Variants in DARS1 observed in about 807,000 individuals in gnomAD.
DARS1 encodes the protein aspartate--tRNA ligase, cytoplasmic.
In DARS1, 51 loss-of-function variants were observed where a neutral mutation model predicts 68.8. That is an observed-to-expected ratio of 0.74 (90% CI 0.59 to 0.94). The LOEUF is 0.94. Among genes scored for constraint, DARS1 ranks in the 40% least tolerant of loss-of-function variants. DARS1 has a pLI of 0.00. For synonymous variants in DARS1, 203 were observed against 190.4 expected (o/e 1.07, Z -0.55); for missense variants, 607 against 597.3 (o/e 1.02, Z -0.17).
intron 4 of DARS1, among the ~76,000 whole-genome samples, chr2:135,955,469 C>T (rs1377780043): frequency 6.6e-6 from 1 of 152,002 alleles, no homozygotes; most frequent in Non-Finnish European, 1.5e-5. Context: ...AAAGTTGTCA[C>T]ACACCAGTTC....
intron 1 of DARS1, 142 bp downstream of exon 1, chr2:135,985,261 C>G: frequency 1.5e-6 from 2 of 1,375,792 alleles, no homozygotes; most frequent in South Asian, 3.0e-5. Context: ...GGCAAGGGCT[C>G]TAGGCGCCCG....
At chr2:135,916,482 G>T in intron 10 of DARS1, 110 bp from the exon 11 acceptor site, 1 of 499,078 alleles carries the variant, frequency 2.0e-6, no homozygotes, top group Admixed American at 3.1e-5. Flanking sequence ...ATATACACCA[G>T]GAAAAGCATT....
intron 10 of DARS1, among the ~76,000 whole-genome samples, chr2:135,920,122 A>G (rs1681084197): frequency 6.6e-6 from 1 of 152,240 alleles, no homozygotes; most frequent in African/African-American, 2.4e-5. Context: ...ATAAACTGTT[A>G]AAAGAAACAC....
intron 4 of DARS1, among the ~76,000 whole-genome samples, chr2:135,956,502 G>A (rs543367854): frequency 3.5e-4 from 54 of 152,220 alleles, no homozygotes; most frequent in African/African-American, 1.3e-3. Context: ...GGGATGACAG[G>A]GGTTATAGTT....
chr2:135,965,092 C>T (rs559927508), intron 3 of DARS1, among the ~76,000 whole-genome samples: 7 of 151,560 alleles, frequency 4.6e-5, no homozygotes, highest in African/African-American at 9.7e-5. Context: ...GATAATAGAC[C>T]GTATTAGATA....
intron 1 of DARS1, among the ~76,000 whole-genome samples, chr2:135,984,983 A>G (rs1682738641): frequency 6.6e-6 from 1 of 152,254 alleles, no homozygotes; most frequent in Non-Finnish European, 1.5e-5. Flanking sequence ...GGTTTTGCTA[A>G]GTACTGTCAT....
At chr2:135,909,850 A>G (rs936274842) in intron 15 of DARS1, among the ~76,000 whole-genome samples, 1 of 152,206 alleles carries the variant, frequency 6.6e-6, no homozygotes. Context: ...AAAATCTGAG[A>G]CTTTTTGAGT....
rs375017889 is a variant in DARS1 at position 135,920,584 on chromosome 2, G to C, written c.828C>G (p.Asp276Glu). ...CAGTTAGATGTCTATGGGTATTAGA[G>C]TCTTCCGCTCTGAATACTGTGAAGT... ...FSIGPVFRAE[D>E]SNTHRHLTEF... Residue 276 changes from aspartate to glutamate, a missense_variant, in exon 10 of 16, where the codon GAC (aspartate) becomes GAG (glutamate). Coordinates refer to ENST00000264161, the MANE Select transcript of DARS1 (RefSeq NM_001349.4). The C allele has an allele frequency of 1.2e-6, 2 of 1,610,270 alleles. No individual in the cohort carries two copies. The highest frequency in any genetic ancestry group is 1.7e-5 in the Admixed American group (1 of 59,154).
chr2:135,984,517 T>C, intron 1 of DARS1, among the ~76,000 whole-genome samples: 1 of 151,764 alleles, frequency 6.6e-6, no homozygotes, highest in Admixed American at 6.6e-5. Flanking sequence ...CTGGCCAGAG[T>C]AGAGAGATAC....
intron 12 of DARS1, among the ~76,000 whole-genome samples, chr2:135,913,647 A>G (rs1285993936): frequency 6.6e-6 from 1 of 151,626 alleles, no homozygotes; most frequent in African/African-American, 2.4e-5. Context: ...AATCCCAGCT[A>G]CTCGGGAGGC....
chr2:135,974,307 A>C (rs1682450298), intron 3 of DARS1, among the ~76,000 whole-genome samples: 2 of 152,220 alleles, frequency 1.3e-5, no homozygotes, highest in African/African-American at 4.8e-5. Flanking sequence ...TGGGGTTATA[A>C]ATACATTTTA....
At chr2:135,967,287 C>CCACA in intron 3 of DARS1, among the ~76,000 whole-genome samples, 1 of 152,172 alleles carries the variant, frequency 6.6e-6, no homozygotes, top group South Asian at 2.1e-4. Context: ...CCACTTATTG[C>CCACA]TTCCCCTGAA....
intron 4 of DARS1, among the ~76,000 whole-genome samples, chr2:135,957,678 G>A (rs533277146): frequency 6.6e-6 from 1 of 152,146 alleles, no homozygotes; most frequent in Admixed American, 6.5e-5. Context: ...AAATAAGCGT[G>A]GTGAGAAGTA....
intron 10 of DARS1, among the ~76,000 whole-genome samples, chr2:135,918,438 T>C (rs1035486169): frequency 6.6e-6 from 1 of 152,134 alleles, no homozygotes; most frequent in African/African-American, 2.4e-5. Flanking sequence ...TAAATACTAA[T>C]GATAAACACG....
intron 3 of DARS1, among the ~76,000 whole-genome samples, chr2:135,968,288 A>G (rs953591553): frequency 6.6e-6 from 1 of 152,128 alleles, no homozygotes. Flanking sequence ...GATAATCTAC[A>G]TTGGCAGAAA....
intron 3 of DARS1, among the ~76,000 whole-genome samples, chr2:135,978,142 CAAA>C (rs59505882): frequency 1.2e-3 from 65 of 54,726 alleles, no homozygotes; most frequent in Admixed American, 2.9e-3. Flanking sequence ...GACTCTGTCT[CAAA>C]AAAAAAAAAA....
intron 1 of DARS1, among the ~76,000 whole-genome samples, chr2:135,984,826 G>T (rs947022946): frequency 6.6e-6 from 1 of 152,066 alleles, no homozygotes; most frequent in Non-Finnish European, 1.5e-5. Context: ...TTATCCACGT[G>T]ATTTGGGGTC....
intron 4 of DARS1, among the ~76,000 whole-genome samples, chr2:135,951,167 C>G (rs6740254): frequency 0.023 from 3,475 of 152,220 alleles, 105 homozygotes; most frequent in African/African-American, 0.068. Flanking sequence ...TCAATTAACT[C>G]GATATAGTTA....
In DARS1 at chr2:135,912,496, G is replaced by A; in HGVS notation, c.1220C>T (p.Pro407Leu). ...AACCAAATTACTTACGGGATTTCTT[G>A]GGTCAGGCATGGTATAGAAAGGTCT... Reference protein sequence around the residue: ...AVRPFYTMPDPRNPKQSNSYD... With the variant: ...AVRPFYTMPDLRNPKQSNSYD... Residue 407 changes from proline to leucine, a missense_variant, in exon 13 of 16, where the codon CCA becomes CTA. Pro to Leu is a moderately conservative substitution (Grantham distance 98). Transcript: ENST00000264161. 9.3e-7 allele frequency: 1 copy of A among 1,078,728 alleles called. No individual in the cohort carries two copies. Among genetic ancestry groups the A allele is most frequent in the Non-Finnish European group, 1.4e-6 (1 of 713,266 alleles). The allele number at this position is 1,078,728 out of a possible 1,614,324, so 66.8% of individuals were successfully genotyped here.
Sources: allele counts gnomAD v4.1 joint callset (sites outside exome capture counted in the v4.1 genomes callset), GRCh38; gene constraint gnomAD v4.1.1; transcripts MANE v1.5; gene names NCBI Gene and HGNC (gene_info 2026-07-23, HGNC 2026-07-21).